The following PTPRS variants were observed in gnomAD, a reference collection of about 807,000 sequenced individuals.
The protein encoded by PTPRS is receptor-type tyrosine-protein phosphatase S.
PTPRS carries 63 observed loss-of-function variants against 215.3 expected under a neutral mutation model. That is an observed-to-expected ratio of 0.29 (90% CI 0.24 to 0.36). PTPRS has a LOEUF of 0.36. Among genes scored for constraint, PTPRS ranks in the 10% least tolerant of loss-of-function variants. The pLI, the probability that PTPRS is intolerant of heterozygous loss-of-function variation, is 1.00. For missense variants in PTPRS, 2,258 were observed against 2,825.8 expected (o/e 0.80, Z 4.56); for synonymous variants, 1,404 against 1,191.4 (o/e 1.18, Z -3.68).
intron 1 of PTPRS, among the ~76,000 whole-genome samples, chr19:5,290,358 A>G (rs765989801): frequency 7.9e-5 from 12 of 152,132 alleles, no homozygotes; most frequent in Non-Finnish European, 1.8e-4. Flanking sequence ...CCACTGCGAG[A>G]TCTCTGGACA....
chr19:5,214,839 T>C (rs1311026647), intron 28 of PTPRS, 103 bp from the exon 29 acceptor site: 12 of 1,230,682 alleles, frequency 9.8e-6, no homozygotes, highest in Admixed American at 2.4e-5. Flanking sequence ...CGCTCCCAGA[T>C]TGTCCCCAAG....
intron 13 of PTPRS, among the ~76,000 whole-genome samples, chr19:5,231,974 A>G (rs1034575908): frequency 6.6e-6 from 1 of 152,230 alleles, no homozygotes; most frequent in Non-Finnish European, 1.5e-5. Context: ...GGCACCTACT[A>G]TGTGCTTGGC....
chr19:5,269,020 G>C (rs933394), intron 4 of PTPRS, among the ~76,000 whole-genome samples: 6,670 of 152,280 alleles, frequency 0.044, 180 homozygotes, highest in Middle Eastern at 0.095. Flanking sequence ...CATCATCGGA[G>C]ATGAGGGCCA....
chr19:5,215,256 A>T, intron 28 of PTPRS, 33 bp downstream of exon 28: 1 of 1,609,902 alleles, frequency 6.2e-7, no homozygotes, highest in Non-Finnish European at 8.5e-7. Context: ...GCAGTGGGGA[A>T]GGGCAGGTTA....
intron 1 of PTPRS, among the ~76,000 whole-genome samples, chr19:5,316,078 T>G (rs2049867690): frequency 6.6e-6 from 1 of 151,416 alleles, no homozygotes; most frequent in South Asian, 2.1e-4. Flanking sequence ...CCATCACACC[T>G]GGCTAATTTT....
rs2049050558 is a variant in PTPRS at position 5,294,132 on chromosome 19, C to G, written c.-94-7898G>C. On this transcript the variant is annotated intron_variant, in intron 1 of 37. Coordinates refer to ENST00000262963, the MANE Select transcript of PTPRS (RefSeq NM_002850.4). This position sits in a 1 kb window ranked among gnomAD's most constrained non-coding sequence, Gnocchi z 5.1. ...CGTCTGCTCCCATCCCTGGAAAAAA[C>G]GCCTCTCTTCCCAGCATTCGCGCTG... The G allele has an allele frequency of 6.6e-6, 1 of 152,288 alleles. No homozygotes were observed. The highest frequency in any genetic ancestry group is 1.5e-5 in the Non-Finnish European group (1 of 68,090). The allele number at this position is 152,288 out of a possible 1,614,324, so 9.4% of individuals were successfully genotyped here. A position where few individuals can be genotyped will look rare whatever the true frequency, so the allele number is the denominator to read the frequency against.
chr19:5,334,782 G>A (rs2050439426), intron 1 of PTPRS, among the ~76,000 whole-genome samples: 1 of 152,170 alleles, frequency 6.6e-6, no homozygotes, highest in Non-Finnish European at 1.5e-5. Flanking sequence ...GTGACCTCAG[G>A]CCAGTGAAGG....
intron 11 of PTPRS, among the ~76,000 whole-genome samples, chr19:5,242,927 C>T (rs1309407747): frequency 6.6e-6 from 1 of 151,704 alleles, no homozygotes; most frequent in Non-Finnish European, 1.5e-5. Context: ...CTCAATAAAT[C>T]CTCCTATCTT....
chr19:5,226,048 T>A (rs991074397), intron 16 of PTPRS, among the ~76,000 whole-genome samples: 1 of 152,126 alleles, frequency 6.6e-6, no homozygotes, highest in African/African-American at 2.4e-5. Flanking sequence ...GACGAGCCCA[T>A]TGTCGCTTGC....
intron 9 of PTPRS, among the ~76,000 whole-genome samples, chr19:5,249,583 G>A (rs375744131): frequency 1.6e-4 from 24 of 152,310 alleles, no homozygotes; most frequent in African/African-American, 5.5e-4. Context: ...AGTGAGTAAC[G>A]AGGATTACGG....
chr19:5,284,069 T>C (rs930328860), intron 2 of PTPRS, among the ~76,000 whole-genome samples: 16 of 150,818 alleles, frequency 1.1e-4, no homozygotes, highest in Non-Finnish European at 2.2e-4. Context: ...TTTAAAAAAT[T>C]AGCCAGGCCA....
intron 9 of PTPRS, among the ~76,000 whole-genome samples, chr19:5,251,657 C>T (rs1007685617): frequency 5.3e-5 from 8 of 151,990 alleles, no homozygotes; most frequent in Admixed American, 2.0e-4. Flanking sequence ...AGGCAGCAGG[C>T]GAGAGGTGTT....
rs963780595 is a variant in PTPRS at position 5,207,318 on chromosome 19, C to T, written c.5779-476G>A. Among the ~76,000 whole-genome samples, 6 of 152,352 alleles carry T rather than the reference C, an allele frequency of 3.9e-5. No individual in the cohort carries two copies. The East Asian group carries it at 5.8e-4, about 15-fold the overall frequency. ...CAGGCTGGTCTCAAACTCCTGACCT[C>T]GGGTGATCTGCCTGCCTTGGCCTCC... is the stretch of plus-strand genomic sequence containing the variant. On this transcript the variant is annotated intron_variant, in intron 37 of 37. Coordinates refer to ENST00000262963, the MANE Select transcript of PTPRS (RefSeq NM_002850.4).
chr19:5,268,134 C>A (rs954990911), intron 4 of PTPRS, among the ~76,000 whole-genome samples: 2 of 152,128 alleles, frequency 1.3e-5, no homozygotes, highest in Admixed American at 1.3e-4. Context: ...CGCGCCACTG[C>A]ACTCCAGCCT....
At chr19:5,280,270 G>A (rs1310687660) in intron 2 of PTPRS, among the ~76,000 whole-genome samples, 2 of 152,216 alleles carry the variant, frequency 1.3e-5, no homozygotes, top group African/African-American at 4.8e-5. Flanking sequence ...GTAGGTCCCT[G>A]TGGGCCCCAA....
chr19:5,331,245 C>T (rs2050316640), intron 1 of PTPRS, among the ~76,000 whole-genome samples: 1 of 151,912 alleles, frequency 6.6e-6, no homozygotes, highest in African/African-American at 2.4e-5. Context: ...ATCCTCCCAC[C>T]TCAGCCTCCC....
intron 17 of PTPRS, among the ~76,000 whole-genome samples, chr19:5,225,058 C>G (rs369740041): frequency 6.6e-6 from 1 of 152,128 alleles, no homozygotes; most frequent in Non-Finnish European, 1.5e-5. Flanking sequence ...CCGGTGTACC[C>G]TCCCCTTACA....
chr19:5,289,353 G>A (rs1273372986), intron 1 of PTPRS, among the ~76,000 whole-genome samples: 1 of 152,136 alleles, frequency 6.6e-6, no homozygotes, highest in Non-Finnish European at 1.5e-5. Context: ...TCACCGACCT[G>A]GACAGATGTC....
At chr19:5,279,408 T>C (rs2047667741) in intron 2 of PTPRS, among the ~76,000 whole-genome samples, 1 of 151,934 alleles carries the variant, frequency 6.6e-6, no homozygotes, top group South Asian at 2.1e-4. Context: ...GGTCTCACTC[T>C]CACCCAAGGC....
Sources: allele counts gnomAD v4.1 joint callset (sites outside exome capture counted in the v4.1 genomes callset), GRCh38; gene constraint gnomAD v4.1.1; non-coding constraint Gnocchi (gnomAD v3.1); transcripts MANE v1.5; gene names NCBI Gene and HGNC (gene_info 2026-07-23, HGNC 2026-07-21).